Variants in MACROD2 observed in about 807,000 individuals in gnomAD.
MACROD2 encodes the protein mono-ADP ribosylhydrolase 2, also known as ADP-ribose glycohydrolase MACROD2.
In MACROD2, 36 loss-of-function variants were observed where a neutral mutation model predicts 70.4. The ratio of observed to expected loss-of-function variants is 0.51; its 90% CI spans 0.39 to 0.68. The LOEUF (loss-of-function observed/expected upper bound fraction) is 0.68. Ranked by LOEUF, MACROD2 falls within the 30% of genes least tolerant of loss-of-function variation. The probability of loss-of-function intolerance (pLI) is 0.00; values close to 1 mark genes in which losing one functional copy is unlikely to be tolerated. For missense variants in MACROD2, 496 were observed against 538.4 expected (o/e 0.92, Z 0.78); for synonymous variants, 172 against 178.8 (o/e 0.96, Z 0.30).
At chr20:15,633,252 G>T (rs2049317770) in intron 8 of MACROD2, among the ~76,000 whole-genome samples, 1 of 151,868 alleles carries the variant, frequency 6.6e-6, no homozygotes, top group South Asian at 2.1e-4. Flanking sequence ...TATTTAAAAG[G>T]AAAAAATAAT....
At chr20:15,519,096 T>G (rs2047611375) in intron 8 of MACROD2, among the ~76,000 whole-genome samples, 1 of 148,582 alleles carries the variant, frequency 6.7e-6, no homozygotes, top group Non-Finnish European at 1.5e-5. Context: ...CCTTCCTTCC[T>G]TCCTTCCTTC....
intron 5 of MACROD2, among the ~76,000 whole-genome samples, chr20:14,718,292 C>CAAAAAAAAACA (rs557535465): frequency 3.7e-5 from 2 of 54,640 alleles, no homozygotes; most frequent in Non-Finnish European, 6.0e-5. Context: ...GACTCTGTCT[C>CAAAAAAAAACA]AAAAAAAAAA....
intron 8 of MACROD2, among the ~76,000 whole-genome samples, chr20:15,785,025 G>A (rs1226714152): frequency 2.0e-5 from 3 of 151,666 alleles, no homozygotes; most frequent in East Asian, 1.9e-4. Flanking sequence ...GGTGGCGGGC[G>A]CCTGTAGTCC....
intron 6 of MACROD2, among the ~76,000 whole-genome samples, chr20:15,234,511 G>T (rs2076996692): frequency 6.6e-6 from 1 of 151,942 alleles, no homozygotes; most frequent in Non-Finnish European, 1.5e-5. Context: ...GAAAGACAAA[G>T]ATATAGCTGT....
chr20:15,800,019 T>G (rs568062829), intron 8 of MACROD2, among the ~76,000 whole-genome samples: 1 of 152,320 alleles, frequency 6.6e-6, no homozygotes, highest in Admixed American at 6.5e-5. Flanking sequence ...GGTTTTGATT[T>G]GTATTGCCTT....
chr20:14,837,727 ATTC>A lies in MACROD2; in HGVS notation c.418+152770_418+152772del, dbSNP rs574736919. ...AGCAAAATTTACCTTACTATGACAA[ATTC>A]TAATGTTTTACATAGGAAACAAAAT... On this transcript the variant is annotated intron_variant, in intron 5 of 17. Transcript: ENST00000684519. Among the ~76,000 whole-genome samples, 673 of 152,202 alleles carry A rather than the reference ATTC, an allele frequency of 4.4e-3. 7 individuals are homozygous for A. The highest frequency in any genetic ancestry group is 0.015 in the African/African-American group (634 of 41,534).
At chr20:15,930,430 T>C (rs887014521) in intron 10 of MACROD2, among the ~76,000 whole-genome samples, 7 of 152,210 alleles carry the variant, frequency 4.6e-5, no homozygotes, top group African/African-American at 1.7e-4. Flanking sequence ...ACTAATCTAA[T>C]TGCCCAAGAA....
At chr20:15,893,223 A>G (rs1018653409) in intron 10 of MACROD2, among the ~76,000 whole-genome samples, 6 of 152,234 alleles carry the variant, frequency 3.9e-5, no homozygotes, top group African/African-American at 1.4e-4. Flanking sequence ...TTAAAAGTCC[A>G]TTTTGTCAGT....
At chr20:15,640,490 C>T (rs1171242137) in intron 8 of MACROD2, among the ~76,000 whole-genome samples, 1 of 152,190 alleles carries the variant, frequency 6.6e-6, no homozygotes, top group African/African-American at 2.4e-5. Context: ...GTGCACATGT[C>T]CCACTGCCAT....
At chr20:15,122,921 C>A (rs1047577485) in intron 5 of MACROD2, among the ~76,000 whole-genome samples, 8 of 152,062 alleles carry the variant, frequency 5.3e-5, no homozygotes, top group Non-Finnish European at 1.0e-4. Context: ...AAATTATGAC[C>A]CACCTGTTGA....
intron 5 of MACROD2, among the ~76,000 whole-genome samples, chr20:14,780,217 T>G (rs1369908114): frequency 6.6e-6 from 1 of 152,006 alleles, no homozygotes; most frequent in Non-Finnish European, 1.5e-5. Flanking sequence ...CAAAAATAAG[T>G]GGTCAAATTA....
intron 13 of MACROD2, among the ~76,000 whole-genome samples, chr20:15,981,265 C>T (rs188743561): frequency 4.1e-4 from 63 of 152,300 alleles, no homozygotes; most frequent in Admixed American, 1.2e-3. Context: ...TGGAAATTTA[C>T]TGAATAGATC....
At chr20:14,842,368 C>G (rs2073096503) in intron 5 of MACROD2, among the ~76,000 whole-genome samples, 2 of 152,106 alleles carry the variant, frequency 1.3e-5, no homozygotes, top group Admixed American at 1.3e-4. Flanking sequence ...ATAGCAGTAC[C>G]TTTTTTCTGA....
intron 8 of MACROD2, among the ~76,000 whole-genome samples, chr20:15,657,730 C>T (rs1333088652): frequency 6.6e-6 from 1 of 152,134 alleles, no homozygotes; most frequent in East Asian, 1.9e-4. Flanking sequence ...TGGTGGCTCA[C>T]GCCTGTAATC....
At chr20:14,811,117 C>A (rs7272878) in intron 5 of MACROD2, among the ~76,000 whole-genome samples, 3,341 of 152,132 alleles carry the variant, frequency 0.022, 150 homozygotes, top group African/African-American at 0.076. Flanking sequence ...CAAAAAAGAG[C>A]CCATATAGCC....
At chr20:14,953,113 AG>A (rs961341768) in intron 5 of MACROD2, among the ~76,000 whole-genome samples, 1 of 152,222 alleles carries the variant, frequency 6.6e-6, no homozygotes, top group African/African-American at 2.4e-5. Context: ...CAGAAAAAAA[AG>A]GGCCTGGTCA....
At chr20:15,612,464 T>G (rs1043375158) in intron 8 of MACROD2, among the ~76,000 whole-genome samples, 1 of 152,216 alleles carries the variant, frequency 6.6e-6, no homozygotes, top group Non-Finnish European at 1.5e-5. Flanking sequence ...CATGGGCGAT[T>G]GATTAAGGCT....
At chr20:14,340,724 A>G (rs1033520649) in intron 3 of MACROD2, among the ~76,000 whole-genome samples, 1 of 152,176 alleles carries the variant, frequency 6.6e-6, no homozygotes, top group Non-Finnish European at 1.5e-5. Flanking sequence ...TAGCCTGTGA[A>G]TCTAGCATTG....
intron 3 of MACROD2, among the ~76,000 whole-genome samples, chr20:14,223,598 C>T (rs1187680541): frequency 6.6e-6 from 1 of 151,554 alleles, no homozygotes; most frequent in Admixed American, 6.6e-5. Flanking sequence ...ACCTCTGCCT[C>T]CCGGGTTCAA....
Sources: gnomAD v4.1 joint callset for allele counts (sites outside exome capture counted in the v4.1 genomes callset) on GRCh38, gnomAD v4.1.1 for gene constraint, MANE v1.5 for transcripts, NCBI Gene and HGNC (gene_info 2026-07-23, HGNC 2026-07-21) for gene names.